The following XPO7 variants were observed in gnomAD, a reference collection of about 807,000 sequenced individuals.
XPO7 encodes exportin-7.
In XPO7, 21 loss-of-function variants were observed where a neutral mutation model predicts 144.3. The observed-to-expected ratio is 0.15, with a 90% CI of 0.10 to 0.21. The LOEUF (loss-of-function observed/expected upper bound fraction) is 0.21, where lower values mean the gene tolerates loss of function less well. Ranked by LOEUF, XPO7 falls within the 10% of genes least tolerant of loss-of-function variation. The pLI, the probability that XPO7 is intolerant of heterozygous loss-of-function variation, is 1.00. For missense variants in XPO7, 808 were observed against 1,325.8 expected (o/e 0.61, Z 6.06); for synonymous variants, 580 against 499.6 (o/e 1.16, Z -2.15).
chr8:21,982,368 A>G (rs191478032), intron 10 of XPO7, among the ~76,000 whole-genome samples: 30 of 152,310 alleles, frequency 2.0e-4, no homozygotes, highest in African/African-American at 2.4e-5. Context: ...GGTGATTGTC[A>G]TGCATACTAA....
intron 1 of XPO7, among the ~76,000 whole-genome samples, chr8:21,931,168 C>CT (rs555278678): frequency 0.023 from 3,319 of 144,268 alleles, 99 homozygotes; most frequent in South Asian, 0.17. Flanking sequence ...TTCTCTCTCT[C>CT]TTTTTTTTTT....
chr8:21,997,067 C>A (rs1466351736), intron 21 of XPO7, among the ~76,000 whole-genome samples: 1 of 152,206 alleles, frequency 6.6e-6, no homozygotes, highest in African/African-American at 2.4e-5. Flanking sequence ...TTCAGCCTCC[C>A]AGAGTGTTGG....
intron 1 of XPO7, among the ~76,000 whole-genome samples, chr8:21,949,226 GT>G (rs1479802097): frequency 3.9e-5 from 6 of 152,206 alleles, no homozygotes; most frequent in African/African-American, 1.4e-4. Context: ...ACCCTGTGAA[GT>G]TTAATTTCTG....
At position 21,999,193 on chromosome 8, in the gene XPO7, G is replaced by C; in HGVS notation, c.2531G>C (p.Ser844Thr). Residue 844 changes from serine to threonine, a missense_variant, in exon 23 of 28, where the codon AGT becomes ACT. Physicochemically the swap from Ser to Thr is moderately conservative, Grantham distance 58 (BLOSUM62 1). This residue lies in a region of XPO7 where 416 missense variants were observed against 612.5 expected (regional missense o/e 0.68). Coordinates refer to ENST00000252512, the MANE Select transcript of XPO7 (RefSeq NM_015024.5). ...ICFSMLKAAL[S>T]GSYVNFGVFR... is the part of the protein sequence containing the mutation. ...TTCTCCATGCTGAAGGCTGCTCTCA[G>C]TGGGAGTTACGTCAATTTCGGAGTC... The C allele has an allele frequency of 1.2e-6, 2 of 1,614,032 alleles. No individual in the cohort carries two copies. Among genetic ancestry groups the C allele is most frequent in the Non-Finnish European group, 1.7e-6 (2 of 1,179,908 alleles).
intron 20 of XPO7, 55 bp from the exon 21 acceptor site, chr8:21,995,437 T>A: frequency 6.7e-7 from 1 of 1,496,586 alleles, no homozygotes. Flanking sequence ...AAAAACTATT[T>A]TAAATTCTGT....
At chr8:21,937,738 C>T (rs1322414429) in intron 1 of XPO7, among the ~76,000 whole-genome samples, 1 of 152,144 alleles carries the variant, frequency 6.6e-6, no homozygotes, top group Non-Finnish European at 1.5e-5. Flanking sequence ...GAAATCAGTA[C>T]CCGATTCTTG....
intron 24 of XPO7, among the ~76,000 whole-genome samples, chr8:22,000,317 G>A (rs775921110): frequency 5.3e-5 from 8 of 152,252 alleles, no homozygotes; most frequent in East Asian, 1.9e-4. Context: ...CCTGTAAGCC[G>A]TATTAGGCTG....
intron 1 of XPO7, among the ~76,000 whole-genome samples, chr8:21,942,109 G>A (rs1268170129): frequency 6.6e-6 from 1 of 152,268 alleles, no homozygotes; most frequent in South Asian, 2.1e-4. Context: ...AGATACAAAG[G>A]TAGCAAATAG....
intron 1 of XPO7, among the ~76,000 whole-genome samples, chr8:21,945,595 C>G (rs1811166904): frequency 1.3e-5 from 2 of 152,160 alleles, no homozygotes; most frequent in African/African-American, 4.8e-5. Flanking sequence ...TCCTACTGTA[C>G]AACACCCCAA....
At chr8:21,994,016 C>T (rs531039817) in intron 19 of XPO7, among the ~76,000 whole-genome samples, 385 of 136,822 alleles carry the variant, frequency 2.8e-3, no homozygotes, top group African/African-American at 9.7e-3. Flanking sequence ...AAAGCTTTTT[C>T]ACTTTTTACA....
At chr8:21,983,595 C>T (rs535945158) in intron 11 of XPO7, among the ~76,000 whole-genome samples, 62 of 152,314 alleles carry the variant, frequency 4.1e-4, no homozygotes, top group African/African-American at 1.4e-3. Flanking sequence ...CTTCTTCTGT[C>T]ACCTCCATAG....
intron 1 of XPO7, among the ~76,000 whole-genome samples, chr8:21,949,128 T>C (rs1811287413): frequency 6.6e-6 from 1 of 152,272 alleles, no homozygotes; most frequent in Non-Finnish European, 1.5e-5. Context: ...GTTTCTGTTT[T>C]ACTGTTGTAT....
intron 8 of XPO7, among the ~76,000 whole-genome samples, chr8:21,979,283 G>A (rs1026490164): frequency 1.3e-5 from 2 of 151,996 alleles, no homozygotes; most frequent in Non-Finnish European, 2.9e-5. Flanking sequence ...GACCTCAGGT[G>A]ATCTGCCTGT....
chr8:21,998,436 A>G (rs1455472604), intron 21 of XPO7, among the ~76,000 whole-genome samples: 3 of 152,144 alleles, frequency 2.0e-5, no homozygotes, highest in African/African-American at 7.2e-5. Flanking sequence ...GTAAGACTCC[A>G]TCTCAAAAAA....
At chr8:21,990,657 T>C in intron 17 of XPO7, 154 bp from the exon 18 acceptor site, 1 of 777,604 alleles carries the variant, frequency 1.3e-6, no homozygotes, top group African/African-American at 1.7e-5. Flanking sequence ...GTGACAACGG[T>C]AGCCTGCCTT....
At chr8:21,945,119 G>A (rs1399283774) in intron 1 of XPO7, among the ~76,000 whole-genome samples, 1 of 152,076 alleles carries the variant, frequency 6.6e-6, no homozygotes, top group Non-Finnish European at 1.5e-5. Context: ...ATGAGCTGTT[G>A]GGTACACCTC....
At chr8:21,933,782 T>A (rs1216214452) in intron 1 of XPO7, among the ~76,000 whole-genome samples, 1 of 152,172 alleles carries the variant, frequency 6.6e-6, no homozygotes, top group African/African-American at 2.4e-5. Flanking sequence ...ATAGTAACTG[T>A]TATCAGGTTA....
chr8:21,946,203 C>T (rs951999258), intron 1 of XPO7, among the ~76,000 whole-genome samples: 3 of 152,192 alleles, frequency 2.0e-5, no homozygotes, highest in South Asian at 2.1e-4. Context: ...CATCCTCCCA[C>T]GCTCACACTT....
At chr8:21,964,446 G>A (rs1017514336) in intron 1 of XPO7, 2 of 152,130 alleles carry the variant, frequency 1.3e-5, no homozygotes, top group Non-Finnish European at 2.9e-5. Flanking sequence ...CTAACCATTA[G>A]ATTTGTTTTG....
Sources: allele counts gnomAD v4.1 joint callset (sites outside exome capture counted in the v4.1 genomes callset), GRCh38; gene constraint gnomAD v4.1.1; regional missense constraint gnomAD v4.1.1; transcripts MANE v1.5; gene names NCBI Gene and HGNC (gene_info 2026-07-23, HGNC 2026-07-21).